Variants in AGBL1 observed in about 807,000 individuals in gnomAD.
AGBL1 encodes the protein AGBL carboxypeptidase 1.
A neutral mutation model predicts 118.9 loss-of-function variants in AGBL1; 130 were observed. That is an observed-to-expected ratio of 1.09 (90% CI 0.95 to 1.26). The LOEUF (loss-of-function observed/expected upper bound fraction) is 1.26. Among genes scored for constraint, AGBL1 ranks in the 50% most tolerant of loss-of-function variants. The probability of loss-of-function intolerance (pLI) is 0.00; values close to 1 mark genes in which losing one functional copy is unlikely to be tolerated. For synonymous variants in AGBL1, 555 were observed against 478.9 expected (o/e 1.16, Z -2.08); for missense variants, 1,584 against 1,298.1 (o/e 1.22, Z -3.38).
intron 17 of AGBL1, among the ~76,000 whole-genome samples, chr15:86,318,950 G>T (rs1220275046): frequency 1.3e-5 from 2 of 152,156 alleles, no homozygotes; most frequent in African/African-American, 4.8e-5. Context: ...TTGATTAAAT[G>T]ATCAGTTTTC....
intron 1 of AGBL1, among the ~76,000 whole-genome samples, chr15:86,133,476 A>G (rs546338986): frequency 6.6e-6 from 1 of 152,320 alleles, no homozygotes; most frequent in African/African-American, 2.4e-5. Context: ...GTGACTCTGC[A>G]CAATACATCC....
intron 1 of AGBL1, among the ~76,000 whole-genome samples, chr15:86,104,402 G>T (rs1176809727): frequency 6.6e-6 from 1 of 152,186 alleles, no homozygotes; most frequent in African/African-American, 2.4e-5. Context: ...TTTCACCCCA[G>T]TTGATGGCTG....
chr15:86,672,939 T>C (rs1448024744), intron 21 of AGBL1, among the ~76,000 whole-genome samples: 1 of 152,154 alleles, frequency 6.6e-6, no homozygotes, highest in Admixed American at 6.5e-5. Flanking sequence ...AGCCAGGAAT[T>C]CTTTTGTGAG....
At chr15:86,754,422 A>G (rs966154458) in intron 22 of AGBL1, among the ~76,000 whole-genome samples, 2 of 152,084 alleles carry the variant, frequency 1.3e-5, no homozygotes, top group African/African-American at 2.4e-5. Flanking sequence ...GTCACCAGGT[A>G]GGTTCTGATG....
At chr15:86,339,125 C>T (rs187100009) in intron 17 of AGBL1, among the ~76,000 whole-genome samples, 57 of 152,234 alleles carry the variant, frequency 3.7e-4, no homozygotes, top group Non-Finnish European at 6.0e-4. Flanking sequence ...TCACTAGATA[C>T]GGAATTCTGG....
At chr15:86,279,245 A>G (rs111703788) in intron 15 of AGBL1, among the ~76,000 whole-genome samples, 9 of 152,228 alleles carry the variant, frequency 5.9e-5, no homozygotes, top group Admixed American at 3.9e-4. Flanking sequence ...GGGGAGAGAT[A>G]GGGATTGGGG....
At chr15:86,401,134 T>C (rs2081438408) in intron 18 of AGBL1, among the ~76,000 whole-genome samples, 1 of 152,186 alleles carries the variant, frequency 6.6e-6, no homozygotes, top group Non-Finnish European at 1.5e-5. Flanking sequence ...CATTTTGATT[T>C]TTTAATTATG....
chr15:86,970,339 A>G (rs969606588), intron 23 of AGBL1, among the ~76,000 whole-genome samples: 3 of 152,080 alleles, frequency 2.0e-5, no homozygotes, highest in African/African-American at 4.8e-5. Flanking sequence ...GAGTTTTAGA[A>G]GTCATTATTG....
chr15:86,402,291 G>A (rs182664534), intron 18 of AGBL1, among the ~76,000 whole-genome samples: 8 of 152,152 alleles, frequency 5.3e-5, no homozygotes, highest in Admixed American at 3.9e-4. Context: ...ATAGCAGTGT[G>A]TGTACATTGA....
chr15:86,473,038 A>G (rs1237917010), intron 18 of AGBL1, among the ~76,000 whole-genome samples: 1 of 152,370 alleles, frequency 6.6e-6, no homozygotes, highest in Non-Finnish European at 1.5e-5. Context: ...TAACTACAAT[A>G]GTATATATTA....
chr15:86,393,830 C>A (rs573348405), intron 17 of AGBL1, among the ~76,000 whole-genome samples: 82 of 152,152 alleles, frequency 5.4e-4, no homozygotes, highest in African/African-American at 1.9e-3. Context: ...GAAGGTGGAA[C>A]CTTTGGAAGT....
Position 86,200,729 on chromosome 15 carries a change from G to T in AGBL1, c.489-24185G>T, listed in dbSNP as rs552870117. On this transcript the variant is annotated intron_variant, in intron 5 of 22. Transcript: ENST00000614907. Reference sequence around the variant, plus strand: ...CCTCCCAGGTTCAAGCAATTCTCCTGCTTCAGCCGCCTGAGTAACTGGGAT... The same window carrying T: ...CCTCCCAGGTTCAAGCAATTCTCCTTCTTCAGCCGCCTGAGTAACTGGGAT... 3.3e-5 allele frequency among the ~76,000 whole-genome samples: 5 copies of T among 151,472 alleles called. No individual in the cohort carries two copies. The East Asian group carries it at 9.8e-4, about 30-fold the overall frequency.
chr15:86,247,932 G>A, intron 7 of AGBL1, 53 bp downstream of exon 7: 1 of 1,578,526 alleles, frequency 6.3e-7, no homozygotes, highest in East Asian at 2.2e-5. Flanking sequence ...GGTGATTCCT[G>A]AAGGCTGTCA....
At chr15:86,360,342 T>C (rs1245840916) in intron 17 of AGBL1, among the ~76,000 whole-genome samples, 4 of 150,448 alleles carry the variant, frequency 2.7e-5, no homozygotes, top group Non-Finnish European at 1.5e-5. Context: ...TTTGTTAATG[T>C]GGTGTATCAC....
At chr15:86,500,410 C>T (rs1433490608) in intron 18 of AGBL1, among the ~76,000 whole-genome samples, 2 of 151,802 alleles carry the variant, frequency 1.3e-5, no homozygotes, top group African/African-American at 4.8e-5. Flanking sequence ...TAGCCATATG[C>T]TGAAAGAGTA....
At chr15:86,461,422 T>C (rs2082333729) in intron 18 of AGBL1, among the ~76,000 whole-genome samples, 1 of 152,154 alleles carries the variant, frequency 6.6e-6, no homozygotes, top group Admixed American at 6.5e-5. Context: ...CCACCACTCT[T>C]CCCTGGACCG....
At chr15:86,495,856 A>C (rs1187278833) in intron 18 of AGBL1, among the ~76,000 whole-genome samples, 1 of 149,378 alleles carries the variant, frequency 6.7e-6, no homozygotes, top group African/African-American at 2.5e-5. Context: ...TTTTTTTCCT[A>C]TTTGATCTGT....
chr15:86,258,239 T>A (rs2142017300), intron 9 of AGBL1, among the ~76,000 whole-genome samples: 1 of 152,350 alleles, frequency 6.6e-6, no homozygotes, highest in Non-Finnish European at 1.5e-5. Context: ...CGGTACAATG[T>A]CTCATTATAA....
intron 21 of AGBL1, among the ~76,000 whole-genome samples, chr15:86,582,698 C>A (rs2084187228): frequency 1.3e-5 from 2 of 152,122 alleles, no homozygotes; most frequent in African/African-American, 2.4e-5. Flanking sequence ...AGGATGAGTT[C>A]ATGTCCTTTG....
Sources: gnomAD v4.1 joint callset for allele counts (sites outside exome capture counted in the v4.1 genomes callset) on GRCh38, gnomAD v4.1.1 for gene constraint, MANE v1.5 for transcripts, NCBI Gene and HGNC (gene_info 2026-07-23, HGNC 2026-07-21) for gene names.